The following IRF4 variants were observed in gnomAD, a reference collection of about 807,000 sequenced individuals.
The protein encoded by IRF4 is interferon regulatory factor 4.
Under a neutral mutation model 55.5 loss-of-function variants are expected in IRF4, and 13 were observed. The ratio of observed to expected loss-of-function variants is 0.23; its 90% CI spans 0.15 to 0.37. IRF4 has a LOEUF of 0.37. Ranked by LOEUF, IRF4 falls within the 10% of genes least tolerant of loss-of-function variation. The pLI, the probability that IRF4 is intolerant of heterozygous loss-of-function variation, is 1.00. For missense variants in IRF4, 397 were observed against 593.8 expected, an observed-to-expected ratio of 0.67 and a Z score of 3.44; for synonymous variants, 249 against 240.7, an observed-to-expected ratio of 1.03 and a Z score of -0.32.
intron 1 of IRF4, among the ~76,000 whole-genome samples, chr6:392,884 G>A (rs2127435849): frequency 1.3e-5 from 2 of 152,254 alleles, no homozygotes; most frequent in Middle Eastern, 3.4e-3. Context: ...CGGGGGCCGA[G>A]CTCGGAAGGC....
chr6:392,093 C>T (rs1761118195), intron 1 of IRF4, among the ~76,000 whole-genome samples: 2 of 152,360 alleles, frequency 1.3e-5, no homozygotes, highest in African/African-American at 2.4e-5. Flanking sequence ...GATGAGCTAA[C>T]CGGACTGTCG....
At chr6:395,623 A>G (rs1285798961) in intron 3 of IRF4, among the ~76,000 whole-genome samples, 1 of 152,196 alleles carries the variant, frequency 6.6e-6, no homozygotes, top group Non-Finnish European at 1.5e-5. Flanking sequence ...TCTGTCATGT[A>G]TTTCTTTACC....
intron 6 of IRF4, among the ~76,000 whole-genome samples, chr6:400,695 T>G (rs1475945378): frequency 2.6e-5 from 4 of 152,014 alleles, no homozygotes; most frequent in African/African-American, 9.7e-5. Context: ...AAGGCCTCAG[T>G]GCTTACCCTT....
chr6:401,589 T>C lies in IRF4; in HGVS notation c.911T>C (p.Ile304Thr), dbSNP rs756281792. 6 of 1,613,972 alleles carry C rather than the reference T, an allele frequency of 3.7e-6. No homozygotes were observed. Among genetic ancestry groups the C allele is most frequent in the South Asian group, 1.1e-5 (1 of 91,088 alleles). Residue 304 changes from isoleucine (I) to threonine (T), a missense_variant, in exon 7 of 9, where the codon ATT becomes ACT. Ile to Thr is a moderately conservative substitution (Grantham distance 89). Coordinates refer to ENST00000380956, the MANE Select transcript of IRF4 (RefSeq NM_002460.4). ...GAGGACAATGGCCAGAGGAAAAACA[T>C]TGAGAAGCTGCTGAGCCACCTGGAG... ...YPEDNGQRKN[I>T]EKLLSHLERG...
In IRF4 at chr6:410,493, A is replaced by G. The variant is rs1877175; in HGVS notation, c.*2895A>G. 0.79 allele frequency: 181,058 copies of G among 228,406 alleles called. 72,070 individuals carry two copies. The highest frequency in any genetic ancestry group is 0.85 in the East Asian group (13,762 of 16,146). The allele number at this position is 228,406 out of a possible 1,614,324, so 14.1% of individuals were successfully genotyped here. On this transcript the variant is annotated 3_prime_UTR_variant, in exon 9 of 9. Coordinates refer to ENST00000380956, the MANE Select transcript of IRF4 (RefSeq NM_002460.4). ...GAGAAAAATGTAAAATCCTACAGTG[A>G]AATGAGCAGCCCTTACAGTATTGTT...
intron 4 of IRF4, 25 bp downstream of exon 4, chr6:395,960 C>G: frequency 1.3e-6 from 2 of 1,577,038 alleles, no homozygotes; most frequent in Non-Finnish European, 1.7e-6. Flanking sequence ...ACTGGGCTCC[C>G]TGAGGGCGAG....
At chr6:395,067 T>A (rs2127437037) in intron 3 of IRF4, 60 bp downstream of exon 3, 3 of 1,298,744 alleles carry the variant, frequency 2.3e-6, no homozygotes, top group African/African-American at 3.0e-5. Flanking sequence ...TGAGGCACCT[T>A]AACTTCATTC....
rs1028922949 is a variant in IRF4 at position 391,789 on chromosome 6, C to A, written c.-76C>A. 8.8e-6 allele frequency: 4 copies of A among 456,228 alleles called. No individual in the cohort carries two copies. The highest frequency in any genetic ancestry group is 8.0e-5 in the African/African-American group (4 of 50,208). 28.3% of individuals were successfully genotyped at this position (456,228 alleles called of 1,614,324 possible). Reference sequence around the variant, plus strand: ...CGATCTTGGGACCCACCGCTGCCCTCAGCTCCGAGTCCAGGGCGAGGTAAG... The same window carrying A: ...CGATCTTGGGACCCACCGCTGCCCTAAGCTCCGAGTCCAGGGCGAGGTAAG... On this transcript the variant is annotated 5_prime_UTR_variant, in exon 1 of 9. Transcript: ENST00000380956.
chr6:403,289 C>T (rs992769352), intron 7 of IRF4, among the ~76,000 whole-genome samples: 1 of 152,258 alleles, frequency 6.6e-6, no homozygotes, highest in Non-Finnish European at 1.5e-5. Flanking sequence ...TCAGCATCTC[C>T]TGTGTCTGCC....
rs767166788 is a variant in IRF4, at chr6:397,116, C to G, written c.501C>G (p.His167Gln). ...PYPSLPAQQV[H>Q]NYMMPPLDRS... ...CTCCTGCACTCCTTTAGCAGGTTCACAACTACATGATGCCACCCCTCGACC... is the reference window on the plus strand; with the variant it reads ...CTCCTGCACTCCTTTAGCAGGTTCAGAACTACATGATGCCACCCCTCGACC... Residue 167 changes from histidine (H) to glutamine (Q), a missense_variant, in exon 5 of 9, where the codon CAC (histidine) becomes CAG (glutamine). Physicochemically the swap from His to Gln is conservative, Grantham distance 24. Coordinates refer to ENST00000380956, the MANE Select transcript of IRF4 (RefSeq NM_002460.4). The G allele has an allele frequency of 6.2e-7, 1 of 1,614,240 alleles. No individual in the cohort carries two copies. Among genetic ancestry groups the G allele is most frequent in the Non-Finnish European group, 8.5e-7 (1 of 1,180,040 alleles).
At chr6:405,491 T>A (rs1395569805) in intron 8 of IRF4, among the ~76,000 whole-genome samples, 1 of 152,218 alleles carries the variant, frequency 6.6e-6, no homozygotes, top group Non-Finnish European at 1.5e-5. Flanking sequence ...AAGATTGCTG[T>A]AAGAATGCTA....
rs1185202709 is a variant in IRF4, at chr6:409,618, A to T, written c.*2020A>T. ...CATGCAACATGGATATGTATTGGGC[A>T]GCAGACTGTGTTTCGTGAACTGCAG... On this transcript the variant is annotated 3_prime_UTR_variant, in exon 9 of 9. Transcript: ENST00000380956. 2 of 221,450 alleles carry T rather than the reference A, an allele frequency of 9.0e-6. No homozygotes were observed. Among genetic ancestry groups the T allele is most frequent in the Non-Finnish European group, 1.8e-5 (2 of 110,454 alleles). The allele number at this position is 221,450 out of a possible 1,614,324, so 13.7% of individuals were successfully genotyped here. A position where few individuals can be genotyped will look rare whatever the true frequency, so the allele number is the denominator to read the frequency against.
At chr6:392,917 G>T (rs775384659) in intron 1 of IRF4, among the ~76,000 whole-genome samples, 181 bp from the exon 2 acceptor site, 9 of 151,232 alleles carry the variant, frequency 6.0e-5, no homozygotes, top group African/African-American at 1.2e-4. Context: ...CCGCCCAGGG[G>T]ATGCGCCCGG....
rs1392067300 is a variant in IRF4 at position 408,671 on chromosome 6, G to A, written c.*1073G>A. The A allele has an allele frequency of 4.4e-6, 1 of 229,830 alleles. No homozygotes were observed. The highest frequency in any genetic ancestry group is 8.6e-6 in the Non-Finnish European group (1 of 115,852). The allele number at this position is 229,830 out of a possible 1,614,324, so 14.2% of individuals were successfully genotyped here. On this transcript the variant is annotated 3_prime_UTR_variant, in exon 9 of 9. Coordinates refer to ENST00000380956, the MANE Select transcript of IRF4 (RefSeq NM_002460.4). ...CTTCTGTCCAAGTACTTAACTATCT[G>A]TTCCCTTCCTCTGTGCCACGCTCCT...
chr6:400,988 G>C (rs1161394070), intron 6 of IRF4, among the ~76,000 whole-genome samples: 2 of 152,078 alleles, frequency 1.3e-5, no homozygotes. Context: ...TTTTCATTCA[G>C]TGACACATGA....
intron 6 of IRF4, among the ~76,000 whole-genome samples, 163 bp from the exon 7 acceptor site, chr6:401,261 C>T (rs139874183): frequency 1.1e-3 from 163 of 152,310 alleles, no homozygotes; most frequent in African/African-American, 3.6e-3. Context: ...GAGACAAGGG[C>T]ACGCTGTGTT....
intron 8 of IRF4, among the ~76,000 whole-genome samples, chr6:405,791 C>CT (rs1054791876): frequency 1.3e-5 from 2 of 152,108 alleles, no homozygotes; most frequent in African/African-American, 4.8e-5. Flanking sequence ...TTAGAGTTTT[C>CT]TTTTTTATGA....
At chr6:395,985 C>A in intron 4 of IRF4, 50 bp downstream of exon 4, 1 of 1,427,810 alleles carries the variant, frequency 7.0e-7, no homozygotes, top group South Asian at 1.2e-5. Flanking sequence ...TGTGGGCCAG[C>A]TGCCCACATG....
intron 6 of IRF4, among the ~76,000 whole-genome samples, chr6:400,855 G>T (rs1761378244): frequency 1.3e-5 from 2 of 151,930 alleles, no homozygotes; most frequent in Admixed American, 6.6e-5. Context: ...TATTATTTTG[G>T]GGACGTTTCA....
Sources: gnomAD v4.1 joint callset for allele counts (sites outside exome capture counted in the v4.1 genomes callset) on GRCh38, gnomAD v4.1.1 for gene constraint, MANE v1.5 for transcripts, NCBI Gene and HGNC (gene_info 2026-07-23, HGNC 2026-07-21) for gene names.